DLGAP1: variants seen among roughly 807,000 people sequenced by gnomAD.
The protein encoded by DLGAP1 is DLG associated protein 1.
Under a neutral mutation model 90.8 loss-of-function variants are expected in DLGAP1, and 11 were observed. The ratio of observed to expected loss-of-function variants is 0.12; its 90% CI spans 0.08 to 0.20. The LOEUF is 0.20. DLGAP1 is among the 10% of genes least tolerant of loss of function. DLGAP1 has a pLI of 1.00. For missense variants in DLGAP1, 1,050 were observed against 1,333.8 expected, an observed-to-expected ratio of 0.79 and a Z score of 3.31; for synonymous variants, 558 against 540.7, an observed-to-expected ratio of 1.03 and a Z score of -0.44.
intron 3 of DLGAP1, among the ~76,000 whole-genome samples, chr18:3,928,836 C>G (rs2072451564): frequency 6.6e-6 from 1 of 152,118 alleles, no homozygotes; most frequent in Non-Finnish European, 1.5e-5. Context: ...GGCTCTGTGT[C>G]CCTTCCCAAA....
chr18:3,600,399 C>T (rs895216620), intron 7 of DLGAP1, among the ~76,000 whole-genome samples: 17 of 151,744 alleles, frequency 1.1e-4, no homozygotes, highest in Admixed American at 9.2e-4. Flanking sequence ...CCACCACTCC[C>T]AGCTTATTTT....
intron 7 of DLGAP1, among the ~76,000 whole-genome samples, chr18:3,638,053 T>C (rs1567877385): frequency 6.6e-6 from 1 of 150,380 alleles, no homozygotes; most frequent in Non-Finnish European, 1.5e-5. Flanking sequence ...TTCCCGCCAT[T>C]CTCCTGCCTC....
In DLGAP1 at chr18:4,454,206, G is replaced by C. The variant is rs1245637887; in HGVS notation, c.-267+800C>G. ...GGGCCCTCCGAAGGTGCCTCTCCCA[G>C]CTGCAGCCGCCCCTCAATGAAAGTG... is the stretch of plus-strand genomic sequence containing the variant. On this transcript the variant is annotated intron_variant, in intron 1 of 12. Transcript: ENST00000315677. This position sits in a 1 kb window ranked among gnomAD's most constrained non-coding sequence, Gnocchi z 4.7. Among the ~76,000 whole-genome samples, 6 of 152,204 alleles carry C rather than the reference G, an allele frequency of 3.9e-5. No individual in the cohort carries two copies. In the East Asian group the frequency reaches 1.2e-3, roughly 29 times the overall value.
At chr18:4,171,921 T>G (rs993456789) in intron 1 of DLGAP1, among the ~76,000 whole-genome samples, 4 of 152,208 alleles carry the variant, frequency 2.6e-5, no homozygotes, top group African/African-American at 9.6e-5. Flanking sequence ...TTAAATAGAC[T>G]AGTGACTAAG....
intron 3 of DLGAP1, among the ~76,000 whole-genome samples, chr18:3,882,359 G>GAAA (rs2071195452): frequency 2.0e-5 from 3 of 149,780 alleles, no homozygotes; most frequent in African/African-American, 7.6e-5. Context: ...AACATAGTGG[G>GAAA]ACCCAGTCTT....
chr18:3,834,483 T>A (rs2068257331), intron 4 of DLGAP1, among the ~76,000 whole-genome samples: 1 of 152,202 alleles, frequency 6.6e-6, no homozygotes, highest in African/African-American at 2.4e-5. Flanking sequence ...GAAAGAGTTT[T>A]GATTTGATTC....
chr18:3,540,164 C>T (rs1361014717), intron 9 of DLGAP1, among the ~76,000 whole-genome samples: 1 of 151,792 alleles, frequency 6.6e-6, no homozygotes, highest in Non-Finnish European at 1.5e-5. Flanking sequence ...GTGAGGAGAC[C>T]GAGATCAAGA....
intron 1 of DLGAP1, among the ~76,000 whole-genome samples, chr18:4,382,487 CTTTT>C (rs3044414): frequency 5.0e-5 from 7 of 140,798 alleles, no homozygotes; most frequent in East Asian, 2.1e-4. Context: ...CAGCATTATG[CTTTT>C]TTTTTTTTTT....
At chr18:3,953,595 A>T (rs1022858384) in intron 3 of DLGAP1, among the ~76,000 whole-genome samples, 6 of 152,176 alleles carry the variant, frequency 3.9e-5, no homozygotes, top group African/African-American at 1.4e-4. Context: ...GTTGATGGAC[A>T]CTTAGGTTGA....
At chr18:4,001,666 T>C (rs1429982952) in intron 3 of DLGAP1, among the ~76,000 whole-genome samples, 1 of 152,204 alleles carries the variant, frequency 6.6e-6, no homozygotes, top group Non-Finnish European at 1.5e-5. Flanking sequence ...TTCTTTTGCC[T>C]CCTTTGCTCC....
intron 4 of DLGAP1, among the ~76,000 whole-genome samples, chr18:3,821,534 T>C (rs1295654785): frequency 6.6e-6 from 1 of 152,204 alleles, no homozygotes; most frequent in East Asian, 1.9e-4. Flanking sequence ...ATAAACGTTC[T>C]CGTGTCACTA....
intron 7 of DLGAP1, chr18:3,708,502 C>T (rs1272374935): frequency 2.2e-6 from 1 of 456,638 alleles, no homozygotes; most frequent in Non-Finnish European, 4.4e-6. Flanking sequence ...TCAAGGCTCC[C>T]TGCAAAGGAC....
chr18:3,985,642 G>T (rs1001113566), intron 3 of DLGAP1, among the ~76,000 whole-genome samples: 1 of 151,906 alleles, frequency 6.6e-6, no homozygotes, highest in African/African-American at 2.4e-5. Flanking sequence ...TGATAAACCT[G>T]AAGGACGGGC....
chr18:4,143,906 A>T (rs1261708650), intron 2 of DLGAP1, among the ~76,000 whole-genome samples: 2 of 152,054 alleles, frequency 1.3e-5, no homozygotes, highest in Non-Finnish European at 2.9e-5. Flanking sequence ...TTCTCTAGAC[A>T]TGTCATGCAG....
At chr18:4,056,612 AC>A (rs2143194648) in intron 2 of DLGAP1, among the ~76,000 whole-genome samples, 1 of 152,304 alleles carries the variant, frequency 6.6e-6, no homozygotes, top group African/African-American at 2.4e-5. Flanking sequence ...AAAGTCAAGG[AC>A]TGTTACTTCA....
At chr18:4,343,255 T>A (rs373748686) in intron 1 of DLGAP1, among the ~76,000 whole-genome samples, 4 of 147,602 alleles carry the variant, frequency 2.7e-5, no homozygotes, top group South Asian at 2.1e-4. Context: ...TGCAGTGAGC[T>A]GAGATCGTGC....
chr18:3,567,862 A>C (rs1159339713), intron 8 of DLGAP1, among the ~76,000 whole-genome samples: 1 of 152,146 alleles, frequency 6.6e-6, no homozygotes. Context: ...CTTACTGTAA[A>C]TACTATATTA....
At chr18:3,659,433 A>G (rs900228661) in intron 7 of DLGAP1, among the ~76,000 whole-genome samples, 1 of 130,026 alleles carries the variant, frequency 7.7e-6, no homozygotes, top group African/African-American at 3.3e-5. Context: ...ACACACACAC[A>G]CGGATGCTAC....
chr18:4,308,574 A>G (rs1485134122), intron 1 of DLGAP1, among the ~76,000 whole-genome samples: 1 of 152,240 alleles, frequency 6.6e-6, no homozygotes, highest in Non-Finnish European at 1.5e-5. Flanking sequence ...ATTCAGATAT[A>G]GGAAAATCAT....
Sources: gnomAD v4.1 joint callset for allele counts (sites outside exome capture counted in the v4.1 genomes callset) on GRCh38, gnomAD v4.1.1 for gene constraint, Gnocchi (gnomAD v3.1) non-coding constraint, MANE v1.5 for transcripts, NCBI Gene and HGNC (gene_info 2026-07-23, HGNC 2026-07-21) for gene names.